Variants in ATP6V1D observed in about 807,000 individuals in gnomAD.
ATP6V1D encodes V-type proton ATPase subunit D.
In ATP6V1D, 20 loss-of-function variants were observed where a neutral mutation model predicts 39.4. That is an observed-to-expected ratio of 0.51 (90% CI 0.36 to 0.74). ATP6V1D has a LOEUF of 0.74. Among genes scored for constraint, ATP6V1D ranks in the 30% least tolerant of loss-of-function variants. ATP6V1D has a pLI of 0.00. For missense variants in ATP6V1D, 228 were observed against 291.6 expected, an observed-to-expected ratio of 0.78 and a Z score of 1.59; for synonymous variants, 100 against 100.5, an observed-to-expected ratio of 0.99 and a Z score of 0.03.
intron 7 of ATP6V1D, among the ~76,000 whole-genome samples, chr14:67,342,391 A>G (rs1272200485): frequency 6.6e-6 from 1 of 151,676 alleles, no homozygotes; most frequent in African/African-American, 2.4e-5. Flanking sequence ...CTATGAATAT[A>G]TAACATTGAA....
At chr14:67,342,732 T>C (rs1411976434) in intron 7 of ATP6V1D, among the ~76,000 whole-genome samples, 2 of 150,900 alleles carry the variant, frequency 1.3e-5, no homozygotes, top group South Asian at 2.1e-4. Context: ...TATCATATTA[T>C]ACATAGTTAA....
intron 2 of ATP6V1D, among the ~76,000 whole-genome samples, chr14:67,351,845 G>A (rs2085655777): frequency 7.1e-6 from 1 of 141,098 alleles, no homozygotes; most frequent in Non-Finnish European, 1.5e-5. Context: ...TAAGTTAAAA[G>A]AAAAGGCGTG....
At chr14:67,351,674 A>G (rs1352938158) in intron 2 of ATP6V1D, among the ~76,000 whole-genome samples, 1 of 151,820 alleles carries the variant, frequency 6.6e-6, no homozygotes, top group African/African-American at 2.4e-5. Context: ...ACACTCTGCT[A>G]ATTTTCTTCT....
chr14:67,350,762 C>A, intron 2 of ATP6V1D, 72 bp from the exon 3 acceptor site: 1 of 1,362,930 alleles, frequency 7.3e-7, no homozygotes, highest in South Asian at 1.2e-5. Context: ...TAATTATGTT[C>A]CTTTAATAAC....
At chr14:67,358,061 C>T (rs2141116908) in intron 1 of ATP6V1D, among the ~76,000 whole-genome samples, 1 of 151,876 alleles carries the variant, frequency 6.6e-6, no homozygotes, top group East Asian at 1.9e-4. Flanking sequence ...AATTCTCCCC[C>T]TAGCTTTGAG....
chr14:67,351,598 T>A (rs2085653842), intron 2 of ATP6V1D, among the ~76,000 whole-genome samples: 1 of 152,178 alleles, frequency 6.6e-6, no homozygotes, highest in Non-Finnish European at 1.5e-5. Context: ...AGCTTCAAAC[T>A]CATAGGCTCA....
chr14:67,357,802 T>G (rs2085695692), intron 1 of ATP6V1D, among the ~76,000 whole-genome samples: 1 of 152,160 alleles, frequency 6.6e-6, no homozygotes, highest in Non-Finnish European at 1.5e-5. Flanking sequence ...CTTAAAGTGT[T>G]GGTCAGTGTA....
chr14:67,338,578 G>GA lies in ATP6V1D; in HGVS notation c.*42dup. ...AAACCTACACACTGTGAATTAAAAT[G>GA]AAGCCAGTGTTAGGGTTTCTCAAAG... On this transcript the variant is annotated 3_prime_UTR_variant, in exon 9 of 9. Coordinates refer to ENST00000216442, the MANE Select transcript of ATP6V1D (RefSeq NM_015994.4). 1.3e-6 allele frequency: 2 copies of GA among 1,582,348 alleles called. No individual in the cohort carries two copies. Among genetic ancestry groups the GA allele is most frequent in the Non-Finnish European group, 1.7e-6 (2 of 1,165,730 alleles).
chr14:67,347,174 G>A (rs1371067348), intron 5 of ATP6V1D, among the ~76,000 whole-genome samples: 1 of 152,042 alleles, frequency 6.6e-6, no homozygotes, highest in Non-Finnish European at 1.5e-5. Context: ...TTGTAGAGAT[G>A]GAGATTTGCC....
In ATP6V1D at chr14:67,349,027, G is replaced by T; in HGVS notation, c.307+10C>A. The T allele has an allele frequency of 6.2e-7, 1 of 1,613,076 alleles. No individual in the cohort carries two copies. Among genetic ancestry groups the T allele is most frequent in the Non-Finnish European group, 8.5e-7 (1 of 1,179,234 alleles). ...CTCCCCAAAGGGTTTCTAAAAGGTT[G>T]AAACGTTACCTGCTACATTATCTTT... On this transcript the variant is annotated intron_variant, in intron 4 of 8. Transcript: ENST00000216442.
chr14:67,347,060 C>T (rs1410658933), intron 5 of ATP6V1D, among the ~76,000 whole-genome samples: 1 of 152,062 alleles, frequency 6.6e-6, no homozygotes, highest in Non-Finnish European at 1.5e-5. Context: ...GATCAGAACT[C>T]GCTGCAACTA....
chr14:67,347,285 A>T, intron 5 of ATP6V1D, 124 bp downstream of exon 5: 1 of 761,980 alleles, frequency 1.3e-6, no homozygotes, highest in Non-Finnish European at 2.2e-6. Flanking sequence ...GACTATATCA[A>T]ATAAGAGGAT....
intron 4 of ATP6V1D, among the ~76,000 whole-genome samples, chr14:67,347,923 T>C (rs1405689491): frequency 2.6e-5 from 4 of 151,994 alleles, no homozygotes; most frequent in Non-Finnish European, 5.9e-5. Flanking sequence ...CTTCTTTTTT[T>C]TTTTTTGAGA....
intron 1 of ATP6V1D, among the ~76,000 whole-genome samples, chr14:67,358,064 G>A (rs1328662625): frequency 6.6e-6 from 1 of 151,834 alleles, no homozygotes; most frequent in Non-Finnish European, 1.5e-5. Context: ...TCTCCCCCTA[G>A]CTTTGAGCTT....
At chr14:67,358,531 C>T (rs1341565588) in intron 1 of ATP6V1D, among the ~76,000 whole-genome samples, 1 of 151,996 alleles carries the variant, frequency 6.6e-6, no homozygotes, top group Non-Finnish European at 1.5e-5. Context: ...TTTCTGCTTC[C>T]TCACTGAAAA....
chr14:67,352,833 A>T, intron 2 of ATP6V1D, 90 bp downstream of exon 2: 1 of 762,722 alleles, frequency 1.3e-6, no homozygotes, highest in Non-Finnish European at 2.0e-6. Flanking sequence ...GAAAAAAATT[A>T]ATTAAAATAA....
intron 7 of ATP6V1D, among the ~76,000 whole-genome samples, chr14:67,342,799 ATTTC>A (rs961904249): frequency 1.3e-5 from 2 of 151,842 alleles, no homozygotes; most frequent in Non-Finnish European, 1.5e-5. Flanking sequence ...AAGCAAAGGA[ATTTC>A]TTTACTTCAA....
chr14:67,356,996 TTTTA>T (rs1467192012), intron 1 of ATP6V1D, among the ~76,000 whole-genome samples: 1 of 152,228 alleles, frequency 6.6e-6, no homozygotes, highest in Non-Finnish European at 1.5e-5. Context: ...ACCATGTTAA[TTTTA>T]TTTTCCTCCT....
chr14:67,345,364 C>G (rs1183748519), intron 6 of ATP6V1D, among the ~76,000 whole-genome samples: 1 of 152,110 alleles, frequency 6.6e-6, no homozygotes, highest in Non-Finnish European at 1.5e-5. Flanking sequence ...CGAGACCAGC[C>G]TGACAAACAT....
Sources: allele counts gnomAD v4.1 joint callset (sites outside exome capture counted in the v4.1 genomes callset), GRCh38; gene constraint gnomAD v4.1.1; transcripts MANE v1.5; gene names NCBI Gene and HGNC (gene_info 2026-07-23, HGNC 2026-07-21).